Variants in PTPRA observed in about 807,000 individuals in gnomAD.
The protein encoded by PTPRA is receptor-type tyrosine-protein phosphatase alpha.
Under a neutral mutation model 104.8 loss-of-function variants are expected in PTPRA, and 25 were observed. That is an observed-to-expected ratio of 0.24 (90% CI 0.17 to 0.33). PTPRA has a LOEUF of 0.33. Among genes scored for constraint, PTPRA ranks in the 10% least tolerant of loss-of-function variants. PTPRA has a pLI of 1.00. For synonymous variants in PTPRA, 323 were observed against 368.9 expected (o/e 0.88, Z 1.43); for missense variants, 765 against 1,015.3 (o/e 0.75, Z 3.35).
intron 2 of PTPRA, among the ~76,000 whole-genome samples, chr20:2,940,145 G>A (rs929236295): frequency 2.0e-5 from 3 of 152,088 alleles, no homozygotes; most frequent in African/African-American, 7.2e-5. Flanking sequence ...ATCAGTGGGA[G>A]GAATAGGGTG....
chr20:2,993,633 G>A (rs534531426), intron 9 of PTPRA, among the ~76,000 whole-genome samples: 8 of 152,336 alleles, frequency 5.3e-5, no homozygotes, highest in South Asian at 2.1e-4. Flanking sequence ...AGTAGAGTAC[G>A]TCTGGAAAAG....
chr20:2,864,664 C>T, the PTPRA span: 1 of 1,613,534 alleles, frequency 6.2e-7, no homozygotes, highest in South Asian at 1.1e-5. This position sits in a 1 kb window ranked among gnomAD's most constrained non-coding sequence, Gnocchi z 5.2. Flanking sequence ...GGTCTGAGAT[C>T]CATGGGGCGT....
At chr20:2,886,810 C>G (rs1220049151) in intron 1 of PTPRA, among the ~76,000 whole-genome samples, 1 of 148,924 alleles carries the variant, frequency 6.7e-6, no homozygotes, top group South Asian at 2.1e-4. Flanking sequence ...GAGCCGAGAT[C>G]GCACCATTGT....
chr20:3,015,517 C>T (rs572359214), intron 11 of PTPRA, among the ~76,000 whole-genome samples: 72 of 152,080 alleles, frequency 4.7e-4, no homozygotes, highest in African/African-American at 1.4e-3. Context: ...ATGTTGGCCC[C>T]ATGCTCTCAC....
chr20:3,032,766 A>G (rs991687694), intron 20 of PTPRA, among the ~76,000 whole-genome samples: 2 of 146,190 alleles, frequency 1.4e-5, no homozygotes, highest in African/African-American at 4.9e-5. Context: ...CTCCATCTCA[A>G]AAAAAAAAAA....
chr20:2,909,953 TATA>T (rs1449024753), intron 1 of PTPRA, among the ~76,000 whole-genome samples: 2,247 of 125,980 alleles, frequency 0.018, 80 homozygotes, highest in African/African-American at 0.06. Flanking sequence ...AATTATATAT[TATA>T]ATATATGATA....
chr20:2,978,878 C>T (rs1327875852), intron 6 of PTPRA, among the ~76,000 whole-genome samples: 1 of 152,136 alleles, frequency 6.6e-6, no homozygotes, highest in Non-Finnish European at 1.5e-5. Context: ...CTATAGTTTG[C>T]CGACCCCTCT....
chr20:2,960,841 T>G (rs112430538), intron 3 of PTPRA, among the ~76,000 whole-genome samples: 15 of 152,190 alleles, frequency 9.9e-5, no homozygotes, highest in African/African-American at 3.6e-4. Context: ...CTGGCCTTTT[T>G]TATTTTCTTT....
At chr20:2,992,465 C>G (rs1407454511) in intron 9 of PTPRA, among the ~76,000 whole-genome samples, 1 of 152,020 alleles carries the variant, frequency 6.6e-6, no homozygotes, top group African/African-American at 2.4e-5. Context: ...TGCATTGAGC[C>G]GAGACCACGC....
At chr20:2,895,243 T>C (rs1049971765) in intron 1 of PTPRA, among the ~76,000 whole-genome samples, 2 of 151,378 alleles carry the variant, frequency 1.3e-5, no homozygotes, top group Non-Finnish European at 2.9e-5. Flanking sequence ...ACCCAGCTAA[T>C]TTTTGTATTT....
intron 9 of PTPRA, among the ~76,000 whole-genome samples, chr20:2,999,455 G>C (rs1386910211): frequency 6.6e-6 from 1 of 152,180 alleles, no homozygotes; most frequent in Non-Finnish European, 1.5e-5. Context: ...CAGATATAAA[G>C]AGATTATAAA....
At chr20:2,988,008 T>G (rs768176754) in intron 7 of PTPRA, 24 bp from the exon 8 acceptor site, 2 of 1,529,524 alleles carry the variant, frequency 1.3e-6, no homozygotes, top group Non-Finnish European at 1.8e-6. Context: ...GCTCCATTCT[T>G]CACTGTGATC....
chr20:2,898,742 C>T (rs1215693088), intron 1 of PTPRA, among the ~76,000 whole-genome samples: 1 of 151,914 alleles, frequency 6.6e-6, no homozygotes, highest in Non-Finnish European at 1.5e-5. Context: ...CCTGTAGTCC[C>T]AGCTGCTAGG....
rs74272854 is a variant in PTPRA at position 2,958,530 on chromosome 20, G to A, written c.-6-5742G>A. 5.1e-4 allele frequency among the ~76,000 whole-genome samples: 78 copies of A among 151,726 alleles called. 1 individual carries two copies. The East Asian group carries it at 0.011, about 22-fold the overall frequency. ...CAGGGCAAAAAGCTTTCAAGAACAG[G>A]GACTGTTAAGCCGGGTACAGTGGCT... On this transcript the variant is annotated intron_variant, in intron 3 of 23. Transcript: ENST00000399903.
intron 3 of PTPRA, among the ~76,000 whole-genome samples, chr20:2,963,519 G>A (rs564198754): frequency 3.3e-5 from 5 of 151,798 alleles, no homozygotes; most frequent in African/African-American, 4.8e-5. Flanking sequence ...GCTTGAACCC[G>A]GGAGGCGGAG....
chr20:2,875,874 G>A (rs536496356), intron 1 of PTPRA, among the ~76,000 whole-genome samples: 1 of 152,012 alleles, frequency 6.6e-6, no homozygotes, highest in East Asian at 1.9e-4. Context: ...TTCCTGGGAC[G>A]GGGGGGCCTT....
intron 9 of PTPRA, among the ~76,000 whole-genome samples, chr20:2,995,366 C>A (rs963115048): frequency 2.0e-5 from 3 of 152,158 alleles, no homozygotes; most frequent in African/African-American, 7.2e-5. Context: ...AGTCCTCCCA[C>A]CTTGGTCTCC....
chr20:2,976,010 A>C (rs530015954), intron 6 of PTPRA, among the ~76,000 whole-genome samples: 1 of 152,288 alleles, frequency 6.6e-6, no homozygotes, highest in Non-Finnish European at 1.5e-5. Context: ...CTGTGTAATT[A>C]AGTAATGGAA....
At chr20:2,873,303 C>G (rs1042350894), upstream of PTPRA, 8 of 152,214 alleles carry the variant, frequency 5.3e-5, no homozygotes, top group African/African-American at 1.9e-4. This position sits in a 1 kb window ranked among gnomAD's most constrained non-coding sequence, Gnocchi z 4.4. Flanking sequence ...AGCCCCGGGG[C>G]GAACCCCTCT....
Sources: allele counts gnomAD v4.1 joint callset (sites outside exome capture counted in the v4.1 genomes callset), GRCh38; gene constraint gnomAD v4.1.1; non-coding constraint Gnocchi (gnomAD v3.1); transcripts MANE v1.5; gene names NCBI Gene and HGNC (gene_info 2026-07-23, HGNC 2026-07-21).